PDSS2: variants seen among roughly 807,000 people sequenced by gnomAD.
PDSS2 encodes decaprenyl diphosphate synthase subunit 2.
Under a neutral mutation model 44.5 loss-of-function variants are expected in PDSS2, and 31 were observed. That is an observed-to-expected ratio of 0.70 (90% CI 0.52 to 0.94). The LOEUF (loss-of-function observed/expected upper bound fraction) is 0.94, where lower values mean the gene tolerates loss of function less well. Among genes scored for constraint, PDSS2 ranks in the 40% least tolerant of loss-of-function variants. PDSS2 has a pLI of 0.00. For synonymous variants in PDSS2, 157 were observed against 180.3 expected, an observed-to-expected ratio of 0.87 and a Z score of 1.03; for missense variants, 452 against 482.2, an observed-to-expected ratio of 0.94 and a Z score of 0.59.
At chr6:107,332,058 T>C (rs1777727600) in intron 2 of PDSS2, among the ~76,000 whole-genome samples, 1 of 152,078 alleles carries the variant, frequency 6.6e-6, no homozygotes, top group South Asian at 2.1e-4. Context: ...TCTCTAGTTA[T>C]CTCAACTAAA....
chr6:107,363,366 T>G (rs1210277273), intron 1 of PDSS2, among the ~76,000 whole-genome samples: 1 of 152,184 alleles, frequency 6.6e-6, no homozygotes, highest in Non-Finnish European at 1.5e-5. Flanking sequence ...AGTCTGTCCC[T>G]TCTGATGTTC....
chr6:107,312,374 T>G (rs926823682), intron 2 of PDSS2, among the ~76,000 whole-genome samples: 7 of 152,164 alleles, frequency 4.6e-5, no homozygotes, highest in African/African-American at 1.7e-4. Context: ...TCCCTCTGTC[T>G]TATGAACATG....
chr6:107,397,303 G>A (rs1156976493), intron 1 of PDSS2, among the ~76,000 whole-genome samples: 2 of 152,070 alleles, frequency 1.3e-5, no homozygotes, highest in Non-Finnish European at 2.9e-5. Flanking sequence ...GCATTGGAAG[G>A]TAAAACTGTT....
chr6:107,410,274 T>C (rs1252488084), intron 1 of PDSS2, among the ~76,000 whole-genome samples: 1 of 152,150 alleles, frequency 6.6e-6, no homozygotes, highest in Non-Finnish European at 1.5e-5. Flanking sequence ...GAAGGTACTG[T>C]CTATTGTCTC....
chr6:107,416,218 GAAA>G (rs1251721651), intron 1 of PDSS2, among the ~76,000 whole-genome samples: 2 of 151,754 alleles, frequency 1.3e-5, no homozygotes, highest in Non-Finnish European at 2.9e-5. Flanking sequence ...TTTTTTCAAG[GAAA>G]AAAATTTGTA....
intron 2 of PDSS2, among the ~76,000 whole-genome samples, chr6:107,274,796 C>T (rs1775723967): frequency 6.6e-6 from 1 of 151,830 alleles, no homozygotes; most frequent in Non-Finnish European, 1.5e-5. Flanking sequence ...CTTCAGCCTC[C>T]CGAGTAGCTG....
intron 1 of PDSS2, among the ~76,000 whole-genome samples, chr6:107,434,864 C>CGT (rs201211146): frequency 3.3e-5 from 5 of 151,836 alleles, no homozygotes; most frequent in Admixed American, 2.0e-4. Flanking sequence ...CATATATATA[C>CGT]GTGTGTGTGT....
intron 1 of PDSS2, among the ~76,000 whole-genome samples, chr6:107,440,045 A>G (rs1248385430): frequency 4.6e-5 from 7 of 152,134 alleles, no homozygotes; most frequent in Admixed American, 3.9e-4. Context: ...GTGGCTATAC[A>G]TGTGCTCAAC....
chr6:107,156,021 C>T (rs9386615), intron 7 of PDSS2, among the ~76,000 whole-genome samples: 1 of 150,566 alleles, frequency 6.6e-6, no homozygotes, highest in African/African-American at 2.5e-5. Flanking sequence ...ACCTGAGTAG[C>T]TGGGATTACA....
chr6:107,232,966 C>A (rs886422418), intron 4 of PDSS2, among the ~76,000 whole-genome samples: 2 of 151,972 alleles, frequency 1.3e-5, no homozygotes, highest in Non-Finnish European at 2.9e-5. Context: ...CAGGCATGTA[C>A]CACCATATCT....
chr6:107,334,225 T>C lies in PDSS2; in HGVS notation c.404A>G (p.Tyr135Cys), dbSNP rs1424230904. The C allele has an allele frequency of 2.5e-6, 4 of 1,613,324 alleles. No individual in the cohort carries two copies. Among genetic ancestry groups the C allele is most frequent in the Non-Finnish European group, 2.5e-6 (3 of 1,179,402 alleles). Residue 135 changes from tyrosine to cysteine, a missense_variant, in exon 2 of 8, where the codon TAT (tyrosine) becomes TGT (cysteine). Transcript: ENST00000369037. ...PSSVNTSCQN[Y>C]DMVSGIYSCQ... The stretch of plus-strand genomic sequence containing the variant: ...TGAGTAGATCCCACTGACCATGTCA[T>C]AGTTCTGACATGAAGTGTTCACGCT...
intron 1 of PDSS2, among the ~76,000 whole-genome samples, chr6:107,402,533 T>TTATA (rs765013424): frequency 0.05 from 3,213 of 63,648 alleles, 71 homozygotes; most frequent in African/African-American, 0.06. Flanking sequence ...TACATACATT[T>TTATA]TATATATATA....
intron 2 of PDSS2, among the ~76,000 whole-genome samples, chr6:107,302,860 G>A (rs1316850896): frequency 1.4e-5 from 2 of 142,394 alleles, no homozygotes; most frequent in East Asian, 2.1e-4. Flanking sequence ...AAAAAAAAAA[G>A]AATTTAAAAT....
At chr6:107,326,868 A>G (rs1382072150) in intron 2 of PDSS2, among the ~76,000 whole-genome samples, 1 of 151,864 alleles carries the variant, frequency 6.6e-6, no homozygotes, top group Non-Finnish European at 1.5e-5. Context: ...AAAAAAAAGT[A>G]GTTGTTTTAC....
chr6:107,231,935 C>A (rs1420322589), intron 4 of PDSS2, among the ~76,000 whole-genome samples: 1 of 150,496 alleles, frequency 6.6e-6, no homozygotes, highest in African/African-American at 2.5e-5. Context: ...GCACTCCAGC[C>A]TGGGCAACAA....
intron 7 of PDSS2, among the ~76,000 whole-genome samples, chr6:107,171,203 C>A (rs1771562514): frequency 6.6e-6 from 1 of 152,134 alleles, no homozygotes; most frequent in African/African-American, 2.4e-5. Flanking sequence ...ACTCTGTCAC[C>A]TAGGCTGAAG....
rs80143973 is a variant in PDSS2 at position 107,229,925 on chromosome 6, T to G, written c.702+15623A>C. The G allele has an allele frequency of 7.2e-3, 1,540 of 213,018 alleles. 26 individuals are homozygous for G. The highest frequency in any genetic ancestry group is 0.031 in the African/African-American group (1,339 of 43,374). The allele number at this position is 213,018 out of a possible 1,614,324, so 13.2% of individuals were successfully genotyped here. A position where few individuals can be genotyped will look rare whatever the true frequency, so the allele number is the denominator to read the frequency against. On this transcript the variant is annotated intron_variant, in intron 4 of 7. Coordinates refer to ENST00000369037, the MANE Select transcript of PDSS2 (RefSeq NM_020381.4). Reference sequence around the variant, plus strand: ...AAAATCTCACTGGATGTTATATTTGTATTTGGATTCAGAGCTCACATTGGT... The same window carrying G: ...AAAATCTCACTGGATGTTATATTTGGATTTGGATTCAGAGCTCACATTGGT...
intron 2 of PDSS2, among the ~76,000 whole-genome samples, chr6:107,330,618 A>T (rs1777684066): frequency 6.6e-6 from 1 of 152,218 alleles, no homozygotes; most frequent in South Asian, 2.1e-4. Context: ...ATATATTGTA[A>T]TAAACTATCT....
chr6:107,282,125 C>T (rs1277625411), intron 2 of PDSS2, among the ~76,000 whole-genome samples: 4 of 152,080 alleles, frequency 2.6e-5, no homozygotes, highest in Non-Finnish European at 5.9e-5. Context: ...AGGCTGGTCT[C>T]GAACCGCTGA....
Sources: allele counts gnomAD v4.1 joint callset (sites outside exome capture counted in the v4.1 genomes callset), GRCh38; gene constraint gnomAD v4.1.1; transcripts MANE v1.5; gene names NCBI Gene and HGNC (gene_info 2026-07-23, HGNC 2026-07-21).